CDH13: variants seen among roughly 807,000 people sequenced by gnomAD.
CDH13 encodes cadherin-13.
Under a neutral mutation model 63.8 loss-of-function variants are expected in CDH13, and 24 were observed. The ratio of observed to expected loss-of-function variants is 0.38; its 90% confidence interval spans 0.27 to 0.53. The LOEUF (loss-of-function observed/expected upper bound fraction) is 0.53, where lower values mean the gene tolerates loss of function less well. Ranked by LOEUF, CDH13 falls within the 20% of genes least tolerant of loss-of-function variation. CDH13 has a pLI of 0.85. For missense variants in CDH13, 1,049 were observed against 903.1 expected (o/e 1.16, Z -2.07); for synonymous variants, 503 against 355.3 (o/e 1.42, Z -4.67).
At position 83,088,824 on chromosome 16, in the gene CDH13, A is replaced by G. The variant is rs560824406; in HGVS notation, c.367-36561A>G. Among the ~76,000 whole-genome samples, 26 of 152,342 alleles carry G rather than the reference A, an allele frequency of 1.7e-4. No individual in the cohort carries two copies. In the East Asian group the frequency reaches 4.8e-3, roughly 28 times the overall value. On this transcript the variant is annotated intron_variant, in intron 3 of 13. Coordinates refer to ENST00000567109, the MANE Select transcript of CDH13 (RefSeq NM_001257.5). ...ATTTAGAAGCTGGTGGTTAATAAAT[A>G]CTAATATGTATTTAGAAGTTTAGAA...
chr16:82,978,930 C>T (rs1035773947), intron 2 of CDH13, among the ~76,000 whole-genome samples: 1 of 152,146 alleles, frequency 6.6e-6, no homozygotes, highest in Non-Finnish European at 1.5e-5. Context: ...TCAAAGCTAG[C>T]CATGAAAGCA....
chr16:82,849,512 T>C (rs2039395628), intron 1 of CDH13, among the ~76,000 whole-genome samples: 1 of 151,936 alleles, frequency 6.6e-6, no homozygotes, highest in South Asian at 2.1e-4. Flanking sequence ...AAAAAATAAA[T>C]AAATAAAATA....
At chr16:82,954,511 G>A (rs1006500493) in intron 2 of CDH13, 1 of 152,074 alleles carries the variant, frequency 6.6e-6, no homozygotes, top group Non-Finnish European at 1.5e-5. Context: ...AAGCGCTTGT[G>A]ATGGTGTGCT....
At chr16:83,386,308 A>G (rs1191332937) in intron 6 of CDH13, among the ~76,000 whole-genome samples, 1 of 152,188 alleles carries the variant, frequency 6.6e-6, no homozygotes, top group Non-Finnish European at 1.5e-5. Flanking sequence ...GCATCAGGAC[A>G]TTGGCCACAA....
At chr16:82,817,507 A>G (rs879597688) in intron 1 of CDH13, among the ~76,000 whole-genome samples, 12 of 152,206 alleles carry the variant, frequency 7.9e-5, no homozygotes, top group Non-Finnish European at 1.6e-4. Flanking sequence ...ACACACATAT[A>G]TACATACAAA....
At chr16:83,287,523 G>C (rs2089349297) in intron 5 of CDH13, among the ~76,000 whole-genome samples, 1 of 152,168 alleles carries the variant, frequency 6.6e-6, no homozygotes, top group African/African-American at 2.4e-5. Flanking sequence ...TGCAAACTGT[G>C]TGTGCAAGGG....
intron 6 of CDH13, among the ~76,000 whole-genome samples, chr16:83,406,465 C>A (rs943534381): frequency 6.8e-6 from 1 of 147,730 alleles, no homozygotes; most frequent in Non-Finnish European, 1.5e-5. Flanking sequence ...CTTTTTCTCT[C>A]TCTCTCTTTC....
At chr16:83,613,810 A>G (rs1377325894) in intron 8 of CDH13, among the ~76,000 whole-genome samples, 1 of 151,930 alleles carries the variant, frequency 6.6e-6, no homozygotes, top group African/African-American at 2.4e-5. Flanking sequence ...TCCAGCCTCC[A>G]TGACAGAATG....
chr16:83,378,721 G>A (rs549573089), intron 6 of CDH13, among the ~76,000 whole-genome samples: 13 of 152,222 alleles, frequency 8.5e-5, no homozygotes, highest in African/African-American at 2.6e-4. Context: ...AAATTGGGAT[G>A]ACTGTAGTTT....
At chr16:83,370,659 T>A (rs1197640821) in intron 6 of CDH13, among the ~76,000 whole-genome samples, 1 of 152,162 alleles carries the variant, frequency 6.6e-6, no homozygotes, top group Non-Finnish European at 1.5e-5. Flanking sequence ...TGACTGTTGA[T>A]CCCTTCTTCG....
chr16:83,547,615 CT>C (rs1171013359), intron 7 of CDH13, among the ~76,000 whole-genome samples: 11 of 152,210 alleles, frequency 7.2e-5, no homozygotes, highest in African/African-American at 2.7e-4. Flanking sequence ...ATCCATGTTC[CT>C]GCAAAGGACA....
At chr16:82,780,735 G>A (rs770109552) in intron 1 of CDH13, among the ~76,000 whole-genome samples, 1 of 152,164 alleles carries the variant, frequency 6.6e-6, no homozygotes, top group Admixed American at 6.5e-5. Flanking sequence ...ACATAACAGA[G>A]TGACTTTACC....
At chr16:83,499,525 C>G (rs2074222395) in intron 7 of CDH13, among the ~76,000 whole-genome samples, 1 of 152,196 alleles carries the variant, frequency 6.6e-6, no homozygotes, top group African/African-American at 2.4e-5. Flanking sequence ...ATTTGCATGT[C>G]ATAAAACATT....
At chr16:83,433,777 G>T (rs565162069) in intron 6 of CDH13, among the ~76,000 whole-genome samples, 1 of 152,318 alleles carries the variant, frequency 6.6e-6, no homozygotes, top group South Asian at 2.1e-4. Context: ...ACTTGTTTAT[G>T]CAAGAACCGT....
chr16:82,883,136 A>G (rs531071202), intron 2 of CDH13, among the ~76,000 whole-genome samples: 4 of 152,356 alleles, frequency 2.6e-5, no homozygotes, highest in African/African-American at 9.6e-5. Flanking sequence ...TTCAGAAAGC[A>G]TAAGAGAAGA....
chr16:83,189,665 C>A (rs765686607), intron 4 of CDH13, among the ~76,000 whole-genome samples: 1 of 152,160 alleles, frequency 6.6e-6, no homozygotes, highest in Non-Finnish European at 1.5e-5. Flanking sequence ...TCTTCTCCTG[C>A]CACAGACACT....
intron 4 of CDH13, among the ~76,000 whole-genome samples, chr16:83,167,499 C>CAAAAAAAAAAAAAAAAA (rs11430454): frequency 1.0e-5 from 1 of 99,548 alleles, no homozygotes; most frequent in African/African-American, 4.0e-5. Context: ...GACCCTTTCC[C>CAAAAAAAAAAAAAAAAA]AAAAAAAAAA....
intron 7 of CDH13, among the ~76,000 whole-genome samples, chr16:83,524,227 A>G (rs530372226): frequency 6.6e-6 from 1 of 152,290 alleles, no homozygotes; most frequent in Admixed American, 6.5e-5. Flanking sequence ...TATTAGAAGA[A>G]TAAATCAGCA....
intron 4 of CDH13, among the ~76,000 whole-genome samples, chr16:83,128,067 T>G (rs1022041828): frequency 4.6e-5 from 7 of 152,154 alleles, no homozygotes; most frequent in African/African-American, 1.7e-4. Context: ...GCATTCTCGT[T>G]TTTCAGTTTT....
Sources: allele counts gnomAD v4.1 joint callset (sites outside exome capture counted in the v4.1 genomes callset), GRCh38; gene constraint gnomAD v4.1.1; transcripts MANE v1.5; gene names NCBI Gene and HGNC (gene_info 2026-07-23, HGNC 2026-07-21).